Variants in GMDS observed in about 807,000 individuals in gnomAD.
GMDS encodes the protein GDP-mannose 4,6-dehydratase.
In GMDS, 20 loss-of-function variants were observed where a neutral mutation model predicts 49.9. The ratio of observed to expected loss-of-function variants is 0.40; its 90% confidence interval spans 0.28 to 0.58. GMDS has a LOEUF of 0.58. Among genes scored for constraint, GMDS ranks in the 20% least tolerant of loss-of-function variants. The pLI is 0.42. For synonymous variants in GMDS, 177 were observed against 178.6 expected (o/e 0.99, Z 0.07); for missense variants, 362 against 481.4 (o/e 0.75, Z 2.32).
At chr6:1,815,425 G>A (rs905295794) in intron 7 of GMDS, among the ~76,000 whole-genome samples, 2 of 152,136 alleles carry the variant, frequency 1.3e-5, no homozygotes, top group Non-Finnish European at 2.9e-5. Flanking sequence ...AGTTCTAAAC[G>A]AAGGCTACAT....
At chr6:1,666,330 C>A (rs1764238252) in intron 9 of GMDS, among the ~76,000 whole-genome samples, 2 of 123,174 alleles carry the variant, frequency 1.6e-5, no homozygotes, top group Non-Finnish European at 3.6e-5. Flanking sequence ...GGCTAGGGTT[C>A]CTCTCCTGTT....
chr6:1,913,836 A>C (rs1581351064), intron 7 of GMDS, among the ~76,000 whole-genome samples: 1 of 152,228 alleles, frequency 6.6e-6, no homozygotes, highest in East Asian at 1.9e-4. Context: ...AAAAAGTACT[A>C]ATAGGTCAAA....
chr6:1,902,327 T>C (rs1279328306), intron 7 of GMDS, among the ~76,000 whole-genome samples: 2 of 152,196 alleles, frequency 1.3e-5, no homozygotes, highest in African/African-American at 4.8e-5. Context: ...GACTAAGTAA[T>C]AAAGCATGAC....
At chr6:1,928,438 C>G (rs1161508732) in intron 7 of GMDS, among the ~76,000 whole-genome samples, 1 of 151,200 alleles carries the variant, frequency 6.6e-6, no homozygotes, top group African/African-American at 2.4e-5. Context: ...GAAGGCTAAA[C>G]AATAAATAGA....
At chr6:2,036,920 A>T (rs1208153839) in intron 4 of GMDS, among the ~76,000 whole-genome samples, 2 of 152,242 alleles carry the variant, frequency 1.3e-5, no homozygotes, top group Non-Finnish European at 2.9e-5. Context: ...AAGGTTTTAA[A>T]TAAGTGCTCA....
At chr6:2,084,559 T>G (rs1329300484) in intron 4 of GMDS, among the ~76,000 whole-genome samples, 1 of 152,078 alleles carries the variant, frequency 6.6e-6, no homozygotes, top group Non-Finnish European at 1.5e-5. Context: ...CAGGCTGGAG[T>G]GCAGTGGCGC....
intron 4 of GMDS, among the ~76,000 whole-genome samples, chr6:1,994,613 T>C (rs1766161497): frequency 6.6e-6 from 1 of 151,790 alleles, no homozygotes; most frequent in Non-Finnish European, 1.5e-5. Flanking sequence ...AATAATAACA[T>C]TAAAATCTGT....
intron 7 of GMDS, among the ~76,000 whole-genome samples, chr6:1,859,645 GTGCT>G (rs1758094260): frequency 6.6e-6 from 1 of 152,188 alleles, no homozygotes; most frequent in African/African-American, 2.4e-5. Flanking sequence ...CTCAGAGGAA[GTGCT>G]GAGGAGCCTC....
chr6:1,819,760 CAAA>C (rs1197523577), intron 7 of GMDS, among the ~76,000 whole-genome samples: 1,416 of 111,292 alleles, frequency 0.013, 9 homozygotes, highest in Non-Finnish European at 0.016. Flanking sequence ...GACTCTGCCT[CAAA>C]AAAAAAAAAA....
chr6:2,175,987 G>A, intron 1 of GMDS: 1 of 1,534,446 alleles, frequency 6.5e-7, no homozygotes, highest in Non-Finnish European at 8.7e-7. Context: ...AACTGCCTGT[G>A]TACAAAACTG....
Position 1,624,517 on chromosome 6 carries a change from G to A in GMDS, c.1011C>T (p.Thr337=). 1 of 1,613,850 alleles carries A rather than the reference G, an allele frequency of 6.2e-7. No individual in the cohort carries two copies. The highest frequency in any genetic ancestry group is 8.5e-7 in the Non-Finnish European group (1 of 1,179,760). The change falls in exon 10 of 11, where the codon ACC becomes ACT. Residue 337 remains threonine (T), a synonymous_variant. Transcript: ENST00000380815. ...TEVDFLQGDC[T]KAKQKLNWKP... is the part of the protein sequence containing the mutation. ...TCCAGTTCAGCTTCTGTTTCGCTTT[G>A]GTGCAGTCGCCCTGCAGAAAGTCCT...
intron 9 of GMDS, among the ~76,000 whole-genome samples, chr6:1,671,452 C>G (rs756741778): frequency 6.6e-5 from 10 of 152,058 alleles, no homozygotes; most frequent in Non-Finnish European, 1.5e-4. Flanking sequence ...CGCACCCCAC[C>G]ACAAAAGGCT....
intron 9 of GMDS, among the ~76,000 whole-genome samples, chr6:1,726,207 T>C (rs1766579413): frequency 6.6e-6 from 1 of 152,266 alleles, no homozygotes. Flanking sequence ...GGTTTAACTC[T>C]TGTTTTCCTT....
At chr6:1,973,415 G>T (rs1484536475) in intron 4 of GMDS, among the ~76,000 whole-genome samples, 1 of 152,192 alleles carries the variant, frequency 6.6e-6, no homozygotes, top group African/African-American at 2.4e-5. Context: ...TAGCACAGGA[G>T]TGAATAAAGG....
At chr6:1,849,306 T>C (rs1757550809) in intron 7 of GMDS, among the ~76,000 whole-genome samples, 2 of 152,186 alleles carry the variant, frequency 1.3e-5, no homozygotes, top group Non-Finnish European at 2.9e-5. Context: ...CATCTGGTAA[T>C]ATAAACCTAG....
intron 7 of GMDS, among the ~76,000 whole-genome samples, chr6:1,868,801 C>G (rs1031821173): frequency 1.3e-5 from 2 of 152,068 alleles, no homozygotes; most frequent in African/African-American, 4.8e-5. Flanking sequence ...ATATCCAGAT[C>G]AAGTAGTTCT....
At chr6:1,764,187 C>T (rs776735800) in intron 7 of GMDS, among the ~76,000 whole-genome samples, 6 of 152,056 alleles carry the variant, frequency 3.9e-5, no homozygotes, top group Admixed American at 1.3e-4. Flanking sequence ...CACAAATGTA[C>T]ATTCATACAA....
chr6:1,703,471 G>GA (rs201307367), intron 9 of GMDS, among the ~76,000 whole-genome samples: 14,004 of 144,044 alleles, frequency 0.097, 1,076 homozygotes, highest in East Asian at 0.4. Flanking sequence ...GCATTCAAAA[G>GA]AAAAAAAAAA....
chr6:2,016,264 A>T (rs1767896326), intron 4 of GMDS, among the ~76,000 whole-genome samples: 2 of 151,752 alleles, frequency 1.3e-5, no homozygotes, highest in African/African-American at 4.8e-5. Context: ...GTCTCAAAAA[A>T]AAAAAAAAGC....
Sources: gnomAD v4.1 joint callset for allele counts (sites outside exome capture counted in the v4.1 genomes callset) on GRCh38, gnomAD v4.1.1 for gene constraint, MANE v1.5 for transcripts, NCBI Gene and HGNC (gene_info 2026-07-23, HGNC 2026-07-21) for gene names.